Variants in PRDM5 observed in about 807,000 individuals in gnomAD.
PRDM5 encodes PR domain zinc finger protein 5.
PRDM5 carries 56 observed loss-of-function variants against 81.2 expected under a neutral mutation model. The ratio of observed to expected loss-of-function variants is 0.69; its 90% CI spans 0.56 to 0.86. PRDM5 has a LOEUF of 0.86. Among genes scored for constraint, PRDM5 ranks in the 40% least tolerant of loss-of-function variants. The pLI is 0.00. For missense variants in PRDM5, 697 were observed against 770.1 expected (o/e 0.91, Z 1.12); for synonymous variants, 267 against 256.4 (o/e 1.04, Z -0.39).
Position 120,900,863 on chromosome 4 carries a change from T to C in PRDM5, c.177+6611A>G, listed in dbSNP as rs1219677038. Among the ~76,000 whole-genome samples the C allele has an allele frequency of 2.6e-5, 4 of 152,268 alleles. No homozygotes were observed. In the East Asian group the frequency reaches 7.7e-4, roughly 29 times the overall value. On this transcript the variant is annotated intron_variant, in intron 2 of 15. Transcript: ENST00000264808. ...TGTTTCACACAACAGGTAATGCCCA[T>C]ACACAATAAAAATTTAAAGGTAAAA...
At chr4:120,864,443 A>G (rs1336003060) in intron 2 of PRDM5, among the ~76,000 whole-genome samples, 1 of 152,200 alleles carries the variant, frequency 6.6e-6, no homozygotes, top group Non-Finnish European at 1.5e-5. Flanking sequence ...ACTTAATGTA[A>G]ACAAGAAAAC....
At chr4:120,712,705 T>A (rs1560941703) in intron 14 of PRDM5, among the ~76,000 whole-genome samples, 1 of 152,360 alleles carries the variant, frequency 6.6e-6, no homozygotes, top group East Asian at 1.9e-4. Flanking sequence ...TCTGTTGAGA[T>A]GTACTTTATC....
In PRDM5 at chr4:120,781,302, A is replaced by G; in HGVS notation, c.1284T>C (p.Ser428=). 1 of 1,612,170 alleles carries G rather than the reference A, an allele frequency of 6.2e-7. No individual in the cohort carries two copies. The highest frequency in any genetic ancestry group is 1.3e-5 in the African/African-American group (1 of 74,958). The change falls in exon 12 of 16, where the codon AGT becomes AGC. Residue 428 remains serine (S), a splice_region_variant and synonymous_variant. Transcript: ENST00000264808. ...AGTGATGGCACTTGAAAGTCCTCTC[A>G]CCTTAGAAACAAAGAGAAACATTTA... ...SLQRHLLIHN[S]ERTFKCHHCD...
chr4:120,815,835 T>C (rs889579938), intron 7 of PRDM5, among the ~76,000 whole-genome samples: 6 of 152,200 alleles, frequency 3.9e-5, no homozygotes, highest in Admixed American at 6.5e-5. Flanking sequence ...CTCACTGCAA[T>C]AGATTTAATC....
chr4:120,698,350 A>G (rs967274472), intron 15 of PRDM5, among the ~76,000 whole-genome samples: 1 of 152,052 alleles, frequency 6.6e-6, no homozygotes, highest in African/African-American at 2.4e-5. Flanking sequence ...TTCTATAATG[A>G]TCTACTCTCC....
At chr4:120,746,249 G>A (rs1030917085) in intron 14 of PRDM5, among the ~76,000 whole-genome samples, 1 of 133,264 alleles carries the variant, frequency 7.5e-6, no homozygotes, top group African/African-American at 2.9e-5. Flanking sequence ...GCTGAAACTG[G>A]ATCCCTTCCT....
chr4:120,820,968 A>G (rs1291442163), intron 4 of PRDM5, among the ~76,000 whole-genome samples: 1 of 152,226 alleles, frequency 6.6e-6, no homozygotes, highest in East Asian at 1.9e-4. Context: ...CCTATAGGGT[A>G]CATCCATCAC....
At chr4:120,769,600 C>T (rs924900826) in intron 13 of PRDM5, among the ~76,000 whole-genome samples, 1 of 152,132 alleles carries the variant, frequency 6.6e-6, no homozygotes, top group African/African-American at 2.4e-5. Flanking sequence ...ACCCAGTGAG[C>T]CTTTTTATCA....
Position 120,752,346 on chromosome 4 carries a change from AG to A in PRDM5, c.1623+2206del, listed in dbSNP as rs1280207397. 2.0e-5 allele frequency among the ~76,000 whole-genome samples: 3 copies of A among 152,358 alleles called. No individual in the cohort carries two copies. The East Asian group carries it at 5.8e-4, about 29-fold the overall frequency. ...AAAAGAGTTTGAGGTAAAACCCAAA[AG>A]GCTTACACATATTTACCCTGTTCCT... is the stretch of plus-strand genomic sequence containing the variant. On this transcript the variant is annotated intron_variant, in intron 14 of 15. Transcript: ENST00000264808.
intron 1 of PRDM5, among the ~76,000 whole-genome samples, chr4:120,908,466 G>C (rs1290639511): frequency 6.6e-6 from 1 of 152,100 alleles, no homozygotes; most frequent in Non-Finnish European, 1.5e-5. Context: ...ACATTGTAAG[G>C]AGAAAAGATA....
chr4:120,784,291 A>C (rs2149247208), intron 11 of PRDM5, among the ~76,000 whole-genome samples: 1 of 152,286 alleles, frequency 6.6e-6, no homozygotes, highest in Non-Finnish European at 1.5e-5. Flanking sequence ...CGTATGTATG[A>C]AACTTAATCA....
intron 2 of PRDM5, among the ~76,000 whole-genome samples, chr4:120,894,732 T>G (rs1199260958): frequency 6.6e-6 from 1 of 152,188 alleles, no homozygotes; most frequent in Non-Finnish European, 1.5e-5. Flanking sequence ...AATTTACAAA[T>G]GAAAAGGGAC....
chr4:120,791,321 C>A (rs12513227), intron 10 of PRDM5, among the ~76,000 whole-genome samples: 13,403 of 152,134 alleles, frequency 0.088, 906 homozygotes, highest in Middle Eastern at 0.17. Flanking sequence ...AACATCCCTG[C>A]AAATCATATG....
chr4:120,771,333 T>A (rs968299900), intron 13 of PRDM5, among the ~76,000 whole-genome samples: 6 of 152,126 alleles, frequency 3.9e-5, no homozygotes, highest in Non-Finnish European at 8.8e-5. Flanking sequence ...GGAGAACAAT[T>A]TATTAAGCGT....
At chr4:120,879,557 T>C (rs1233377775) in intron 2 of PRDM5, among the ~76,000 whole-genome samples, 1 of 152,212 alleles carries the variant, frequency 6.6e-6, no homozygotes, top group Non-Finnish European at 1.5e-5. Context: ...CAAAATATAT[T>C]TTCTCTTTCT....
chr4:120,832,356 A>G (rs1756821039), intron 3 of PRDM5, among the ~76,000 whole-genome samples: 1 of 152,156 alleles, frequency 6.6e-6, no homozygotes, highest in African/African-American at 2.4e-5. Flanking sequence ...AACTGTCCCC[A>G]TGATTCAATT....
chr4:120,755,322 C>T (rs1299310287), intron 13 of PRDM5, among the ~76,000 whole-genome samples: 1 of 152,166 alleles, frequency 6.6e-6, no homozygotes, highest in Non-Finnish European at 1.5e-5. Context: ...AATTTAATCT[C>T]CAAAAGGGAT....
At chr4:120,843,319 AG>A (rs995388131) in intron 3 of PRDM5, among the ~76,000 whole-genome samples, 1 of 152,176 alleles carries the variant, frequency 6.6e-6, no homozygotes, top group African/African-American at 2.4e-5. Flanking sequence ...CCTGGGCAAC[AG>A]AGAGAGACCC....
At chr4:120,806,226 AT>A in intron 8 of PRDM5, among the ~76,000 whole-genome samples, 1 of 152,360 alleles carries the variant, frequency 6.6e-6, no homozygotes, top group Middle Eastern at 3.4e-3. Flanking sequence ...AGAACGTTCC[AT>A]GCTCACGGAT....
Sources: allele counts gnomAD v4.1 joint callset (sites outside exome capture counted in the v4.1 genomes callset), GRCh38; gene constraint gnomAD v4.1.1; transcripts MANE v1.5; gene names NCBI Gene and HGNC (gene_info 2026-07-23, HGNC 2026-07-21).